Variants in SLC38A12 observed in about 807,000 individuals in gnomAD.
SLC38A12 encodes solute carrier family 38 member 12, also known as putative sodium-coupled neutral amino acid transporter 12.
At chr17:74,804,304 C>G in the SLC38A12 span, among the ~76,000 whole-genome samples, 2 of 152,260 alleles carry the variant, frequency 1.3e-5, no homozygotes, top group African/African-American at 2.4e-5. Context: ...GGCCAGTGTC[C>G]CAGCCAGCGG....
At chr17:74,835,927 C>A in the SLC38A12 span, 1 of 1,597,178 alleles carries the variant, frequency 6.3e-7, no homozygotes, top group Non-Finnish European at 8.6e-7. Context: ...CGTTTCCCAG[C>A]TTTCGCCGTC....
the SLC38A12 span, among the ~76,000 whole-genome samples, chr17:74,787,961 T>G: frequency 3.3e-5 from 5 of 152,082 alleles, no homozygotes; most frequent in East Asian, 9.8e-4. Context: ...GCCCAGCTAA[T>G]TTTTTTGTAT....
At chr17:74,819,399 CAT>C in the SLC38A12 span, among the ~76,000 whole-genome samples, 1 of 152,236 alleles carries the variant, frequency 6.6e-6, no homozygotes, top group African/African-American at 2.4e-5. Flanking sequence ...AGCCCATGCT[CAT>C]GGGCAGTTCG....
chr17:74,809,503 A>C, the SLC38A12 span, among the ~76,000 whole-genome samples: 1 of 152,166 alleles, frequency 6.6e-6, no homozygotes, highest in Non-Finnish European at 1.5e-5. Context: ...AGGGGAGTCC[A>C]GGCAGCTCTC....
chr17:74,824,368 A>G, the SLC38A12 span, among the ~76,000 whole-genome samples: 207 of 152,302 alleles, frequency 1.4e-3, 1 homozygote, highest in African/African-American at 4.6e-3. Flanking sequence ...CGCAGCACAG[A>G]GGATGTTCTT....
chr17:74,821,967 G>A, the SLC38A12 span, among the ~76,000 whole-genome samples: 3 of 152,236 alleles, frequency 2.0e-5, no homozygotes, highest in Non-Finnish European at 4.4e-5. Flanking sequence ...GGAGGGGGAC[G>A]TTCCTGCTTT....
the SLC38A12 span, among the ~76,000 whole-genome samples, chr17:74,815,005 G>T: frequency 3.3e-5 from 5 of 152,156 alleles, no homozygotes. Flanking sequence ...GGCTCAGAAG[G>T]TCACAGGGGA....
chr17:74,796,762 GTTAA>G, the SLC38A12 span, among the ~76,000 whole-genome samples: 2 of 152,248 alleles, frequency 1.3e-5, no homozygotes, highest in Admixed American at 6.5e-5. Context: ...TTGGTAGCGG[GTTAA>G]TTGTCTGGCA....
chr17:74,791,054 G>T, the SLC38A12 span: 75 of 1,610,212 alleles, frequency 4.7e-5, no homozygotes, highest in Non-Finnish European at 6.2e-5. Flanking sequence ...TTCTTTTGGG[G>T]GTGGGGTGTG....
At chr17:74,806,170 C>T in the SLC38A12 span, among the ~76,000 whole-genome samples, 2 of 152,172 alleles carry the variant, frequency 1.3e-5, no homozygotes, top group African/African-American at 2.4e-5. Context: ...TCACTTGCGA[C>T]ACAGCCCACC....
chr17:74,777,454 G>T, the SLC38A12 span: 3 of 1,602,472 alleles, frequency 1.9e-6, no homozygotes, highest in Non-Finnish European at 2.6e-6. Context: ...CTGGAGATGG[G>T]ACTAGTGAGT....
the SLC38A12 span, among the ~76,000 whole-genome samples, chr17:74,823,290 G>A: frequency 3.9e-5 from 6 of 152,226 alleles, no homozygotes; most frequent in African/African-American, 1.4e-4. Flanking sequence ...ATAAATAAAT[G>A]TGCTGAGCCG....
At chr17:74,834,293 G>A in the SLC38A12 span, among the ~76,000 whole-genome samples, 34,414 of 151,910 alleles carry the variant, frequency 0.23, 4,605 homozygotes, top group East Asian at 0.41. Context: ...GGGTTGGGAC[G>A]ATTTGTGATG....
the SLC38A12 span, among the ~76,000 whole-genome samples, chr17:74,805,847 GCCTGGCA>G: frequency 6.6e-6 from 1 of 152,178 alleles, no homozygotes; most frequent in African/African-American, 2.4e-5. The surrounding 1 kb of genome is among the most constrained non-coding windows in gnomAD (Gnocchi z 5.0). Flanking sequence ...TCAAGTGATC[GCCTGGCA>G]CCTCTCCTTG....
At chr17:74,814,169 C>G in the SLC38A12 span, among the ~76,000 whole-genome samples, 6 of 152,158 alleles carry the variant, frequency 3.9e-5, no homozygotes, top group Admixed American at 6.5e-5. Context: ...TGAGAGTGGT[C>G]ACAGTTCACC....
At chr17:74,797,752 G>A in the SLC38A12 span, among the ~76,000 whole-genome samples, 118 of 152,302 alleles carry the variant, frequency 7.7e-4, 1 homozygote, top group African/African-American at 2.7e-3. Flanking sequence ...CAGAGTGACT[G>A]GAGGAAGGGG....
At chr17:74,817,869 C>T in the SLC38A12 span, among the ~76,000 whole-genome samples, 1 of 152,142 alleles carries the variant, frequency 6.6e-6, no homozygotes, top group Admixed American at 6.5e-5. Context: ...GATCTCCAGC[C>T]CCCACAGCTG....
the SLC38A12 span, among the ~76,000 whole-genome samples, chr17:74,818,711 G>A: frequency 2.0e-5 from 3 of 152,202 alleles, no homozygotes; most frequent in African/African-American, 4.8e-5. Flanking sequence ...TCTGGTGAGC[G>A]TCATTAGCAT....
At chr17:74,811,878 T>TAAC in the SLC38A12 span, among the ~76,000 whole-genome samples, 1 of 150,932 alleles carries the variant, frequency 6.6e-6, no homozygotes, top group African/African-American at 2.5e-5. Flanking sequence ...GCAAAAAAAA[T>TAAC]AATAATAATA....
Sources: allele counts gnomAD v4.1 joint callset (sites outside exome capture counted in the v4.1 genomes callset), GRCh38; gene constraint gnomAD v4.1.1; non-coding constraint Gnocchi (gnomAD v3.1); transcripts MANE v1.5; gene names NCBI Gene and HGNC (gene_info 2026-07-23, HGNC 2026-07-21).